The following CNTNAP2 variants were observed in gnomAD, a reference collection of about 807,000 sequenced individuals.
The protein encoded by CNTNAP2 is contactin associated protein 2.
A neutral mutation model predicts 155.2 loss-of-function variants in CNTNAP2; 98 were observed. The observed-to-expected ratio is 0.63, with a 90% CI of 0.54 to 0.75. CNTNAP2 has a LOEUF of 0.75. CNTNAP2 is among the 30% of genes least tolerant of loss of function. CNTNAP2 has a pLI of 0.00. For synonymous variants in CNTNAP2, 651 were observed against 631.2 expected, an observed-to-expected ratio of 1.03 and a Z score of -0.47; for missense variants, 1,727 against 1,688.1, an observed-to-expected ratio of 1.02 and a Z score of -0.40.
chr7:146,368,214 A>C (rs961635998), intron 1 of CNTNAP2, among the ~76,000 whole-genome samples: 3 of 152,164 alleles, frequency 2.0e-5, no homozygotes, highest in African/African-American at 7.2e-5. Context: ...TATATTCAGA[A>C]TCCCAGGCAA....
chr7:146,285,645 G>T (rs1800313463), intron 1 of CNTNAP2, among the ~76,000 whole-genome samples: 1 of 148,952 alleles, frequency 6.7e-6, no homozygotes, highest in African/African-American at 2.5e-5. Context: ...CCAAGCTGAA[G>T]TTTTCTTTAT....
At chr7:147,770,827 C>G (rs1456976409) in intron 13 of CNTNAP2, among the ~76,000 whole-genome samples, 1 of 152,134 alleles carries the variant, frequency 6.6e-6, no homozygotes, top group East Asian at 1.9e-4. Context: ...TTCTAACAGG[C>G]TTTTCTTTGG....
At chr7:146,950,431 G>A (rs1797285155) in intron 3 of CNTNAP2, among the ~76,000 whole-genome samples, 1 of 151,948 alleles carries the variant, frequency 6.6e-6, no homozygotes, top group Non-Finnish European at 1.5e-5. Flanking sequence ...TTCTCCTAAT[G>A]CTCTCCCTCC....
intron 1 of CNTNAP2, among the ~76,000 whole-genome samples, chr7:146,387,753 G>A (rs1241456965): frequency 6.6e-6 from 1 of 152,044 alleles, no homozygotes; most frequent in African/African-American, 2.4e-5. Context: ...GGAGAAATGA[G>A]GCCTCAACCT....
intron 12 of CNTNAP2, among the ~76,000 whole-genome samples, chr7:147,602,948 G>A (rs183234646): frequency 2.8e-4 from 42 of 152,244 alleles, no homozygotes; most frequent in African/African-American, 7.2e-4. Context: ...TGCAATAAAC[G>A]TACATGTGCA....
At chr7:146,307,185 A>G (rs2129089662) in intron 1 of CNTNAP2, among the ~76,000 whole-genome samples, 1 of 152,256 alleles carries the variant, frequency 6.6e-6, no homozygotes, top group East Asian at 1.9e-4. Flanking sequence ...CACACCAATA[A>G]CAGACAAACA....
intron 20 of CNTNAP2, among the ~76,000 whole-genome samples, chr7:148,254,593 G>A (rs187194944): frequency 2.1e-4 from 32 of 152,042 alleles, no homozygotes; most frequent in African/African-American, 6.5e-4. Flanking sequence ...TGGCTAACAC[G>A]GTGAAACCCC....
chr7:147,391,859 T>TTTTTTTTTTTGAGACGGA (rs1796724110), intron 9 of CNTNAP2, among the ~76,000 whole-genome samples: 2 of 152,054 alleles, frequency 1.3e-5, no homozygotes, highest in African/African-American at 4.8e-5. Context: ...TCTTAATGTT[T>TTTTTTTTTTTGAGACGGA]GCATTGTTCA....
chr7:146,597,288 A>AGGAT (rs1798876752), intron 1 of CNTNAP2, among the ~76,000 whole-genome samples: 7 of 152,180 alleles, frequency 4.6e-5, no homozygotes, highest in Admixed American at 3.9e-4. Flanking sequence ...TTACTATAAT[A>AGGAT]CGATCATCTG....
intron 9 of CNTNAP2, among the ~76,000 whole-genome samples, chr7:147,351,718 A>C (rs999712465): frequency 1.9e-4 from 29 of 151,808 alleles, no homozygotes; most frequent in African/African-American, 6.5e-4. Flanking sequence ...GTATTGATGC[A>C]CTAGAACTCC....
At chr7:146,233,559 C>T (rs1295706322) in intron 1 of CNTNAP2, among the ~76,000 whole-genome samples, 1 of 152,060 alleles carries the variant, frequency 6.6e-6, no homozygotes, top group Non-Finnish European at 1.5e-5. Flanking sequence ...TAGTGTGCTG[C>T]ACCCATTAAC....
At chr7:147,576,857 C>T (rs1800404861) in intron 12 of CNTNAP2, among the ~76,000 whole-genome samples, 1 of 152,018 alleles carries the variant, frequency 6.6e-6, no homozygotes, top group African/African-American at 2.4e-5. Context: ...TGCTAGCCAA[C>T]CCCCCTATGA....
chr7:147,507,303 CAT>C lies in CNTNAP2; in HGVS notation c.1777+21263_1777+21264del, dbSNP rs530299478. 2.1e-3 allele frequency among the ~76,000 whole-genome samples: 323 copies of C among 152,148 alleles called. 3 individuals are homozygous for C. The highest frequency in any genetic ancestry group is 7.0e-3 in the African/African-American group (290 of 41,520). ...AAAATAAGGTAAAAATGGGGAGTAA[CAT>C]GTGTTTAAAAATTGTTAATCTTTCT... On this transcript the variant is annotated intron_variant, in intron 11 of 23. Transcript: ENST00000361727.
At chr7:148,284,713 G>A (rs1412588398) in intron 21 of CNTNAP2, among the ~76,000 whole-genome samples, 1 of 151,970 alleles carries the variant, frequency 6.6e-6, no homozygotes, top group African/African-American at 2.4e-5. Context: ...AACATGTTTC[G>A]AAGAAAAAGG....
chr7:147,356,612 C>T (rs1035260470), intron 9 of CNTNAP2, among the ~76,000 whole-genome samples: 2 of 152,116 alleles, frequency 1.3e-5, no homozygotes, highest in Non-Finnish European at 2.9e-5. Flanking sequence ...AGTCTTCTCT[C>T]ACCTACCACT....
chr7:147,919,612 CCA>C (rs1049305043), intron 14 of CNTNAP2, among the ~76,000 whole-genome samples: 3 of 151,710 alleles, frequency 2.0e-5, no homozygotes, highest in Admixed American at 6.6e-5. Context: ...GCAGCCGCCA[CCA>C]CGCCTGGCTA....
chr7:147,006,377 A>G (rs561341761), intron 3 of CNTNAP2, among the ~76,000 whole-genome samples: 4 of 152,156 alleles, frequency 2.6e-5, no homozygotes, highest in African/African-American at 9.6e-5. Flanking sequence ...TCTTTTACAA[A>G]TAGAAATCTC....
Position 147,062,606 on chromosome 7 carries a change from A to G in CNTNAP2, c.550+18552A>G, listed in dbSNP as rs146237347. Among the ~76,000 whole-genome samples, 32 of 152,330 alleles carry G rather than the reference A, an allele frequency of 2.1e-4. 1 individual carries two copies. The East Asian group carries it at 2.1e-3, about 10-fold the overall frequency. Reference sequence around the variant, plus strand: ...TAATAGGAATAAGAATGCTTACTTCATAGATTTGTCATGAAGATTAAATTA... The same window carrying G: ...TAATAGGAATAAGAATGCTTACTTCGTAGATTTGTCATGAAGATTAAATTA... On this transcript the variant is annotated intron_variant, in intron 4 of 23. Coordinates refer to ENST00000361727, the MANE Select transcript of CNTNAP2 (RefSeq NM_014141.6).
At chr7:147,000,909 G>C (rs1396238484) in intron 3 of CNTNAP2, among the ~76,000 whole-genome samples, 2 of 152,062 alleles carry the variant, frequency 1.3e-5, no homozygotes, top group African/African-American at 4.8e-5. Flanking sequence ...CAGGGCCTGG[G>C]GGTTCCTATC....
Sources: gnomAD v4.1 joint callset for allele counts (sites outside exome capture counted in the v4.1 genomes callset) on GRCh38, gnomAD v4.1.1 for gene constraint, MANE v1.5 for transcripts, NCBI Gene and HGNC (gene_info 2026-07-23, HGNC 2026-07-21) for gene names.